SOS2: variants seen among roughly 807,000 people sequenced by gnomAD.
SOS2 encodes son of sevenless homolog 2.
A neutral mutation model predicts 148.2 loss-of-function variants in SOS2; 65 were observed. The observed-to-expected ratio is 0.44, with a 90% CI of 0.36 to 0.54. The LOEUF (loss-of-function observed/expected upper bound fraction) is 0.54. Among genes scored for constraint, SOS2 ranks in the 20% least tolerant of loss-of-function variants. The pLI is 0.00. For synonymous variants in SOS2, 539 were observed against 537.1 expected (o/e 1.00, Z -0.05); for missense variants, 1,341 against 1,590.2 (o/e 0.84, Z 2.67).
At chr14:50,216,889 T>C (rs915520295) in intron 1 of SOS2, among the ~76,000 whole-genome samples, 1 of 152,218 alleles carries the variant, frequency 6.6e-6, no homozygotes, top group Non-Finnish European at 1.5e-5. Flanking sequence ...TCCTCCCAAA[T>C]GATCTGTAGA....
At chr14:50,152,692 T>C (rs994476562) in intron 13 of SOS2, among the ~76,000 whole-genome samples, 9 of 152,268 alleles carry the variant, frequency 5.9e-5, no homozygotes, top group Admixed American at 2.6e-4. Context: ...TGGTGGCTCA[T>C]GCCTGTAATC....
chr14:50,176,841 C>T (rs1022548961), intron 7 of SOS2, among the ~76,000 whole-genome samples: 5 of 152,156 alleles, frequency 3.3e-5, no homozygotes, highest in Admixed American at 6.5e-5. Context: ...GAAACCCCAT[C>T]TCTACTAAAA....
intron 16 of SOS2, among the ~76,000 whole-genome samples, chr14:50,141,392 G>A (rs565818241): frequency 2.0e-5 from 3 of 151,554 alleles, no homozygotes; most frequent in Admixed American, 1.3e-4. Context: ...AGGGTGGCAC[G>A]TGCCTATAGT....
At chr14:50,195,321 T>C (rs956243756) in intron 4 of SOS2, among the ~76,000 whole-genome samples, 52 of 152,312 alleles carry the variant, frequency 3.4e-4, no homozygotes, top group African/African-American at 1.2e-3. Context: ...TCTGGACTAT[T>C]GTCTTCACAG....
intron 4 of SOS2, among the ~76,000 whole-genome samples, chr14:50,196,298 G>T (rs1039700851): frequency 6.6e-5 from 10 of 152,056 alleles, no homozygotes; most frequent in African/African-American, 2.4e-4. Flanking sequence ...ATTTTTAAAA[G>T]AAATTTTTGT....
chr14:50,218,331 T>C (rs143547084), intron 1 of SOS2, among the ~76,000 whole-genome samples: 43 of 150,686 alleles, frequency 2.9e-4, no homozygotes, highest in Middle Eastern at 6.9e-3. Flanking sequence ...GAGATCAGCC[T>C]GGGCAACATG....
At chr14:50,133,972 T>C (rs997198119) in intron 19 of SOS2, 151 bp downstream of exon 19, 44 of 622,868 alleles carry the variant, frequency 7.1e-5, no homozygotes, top group Non-Finnish European at 6.0e-5. Context: ...GGCTGACATT[T>C]CCCCCCCCAG....
At chr14:50,166,082 G>T (rs530095598) in intron 8 of SOS2, among the ~76,000 whole-genome samples, 22 of 152,230 alleles carry the variant, frequency 1.4e-4, no homozygotes, top group African/African-American at 5.3e-4. Flanking sequence ...TTCTTTCTAT[G>T]TTGAAAACAA....
chr14:50,231,206 G>C lies in SOS2; in HGVS notation c.78C>G (p.Ala26=). The C allele has an allele frequency of 6.7e-7, 1 of 1,484,948 alleles. No individual in the cohort carries two copies. The highest frequency in any genetic ancestry group is 1.3e-5 in the South Asian group (1 of 74,780). 92.0% of individuals were successfully genotyped at this position (1,484,948 alleles called of 1,614,324 possible). ...CGCCCCTAGCACTGACCTTCCGCAG[G>C]GCCGAGACCAACAGTCCCCGCCATT... ...SPKWRGLLVS[A]LRKVQEQVHP... is the part of the protein sequence containing the mutation. The change falls in exon 1 of 23, where the codon GCC becomes GCG. Residue 26 remains alanine (A), a synonymous_variant. Coordinates refer to ENST00000216373, the MANE Select transcript of SOS2 (RefSeq NM_006939.4).
At chr14:50,187,200 C>A (rs1489338943) in intron 5 of SOS2, among the ~76,000 whole-genome samples, 1 of 152,044 alleles carries the variant, frequency 6.6e-6, no homozygotes, top group Non-Finnish European at 1.5e-5. Context: ...TTTGTAGAGA[C>A]TGGGTCTTGC....
intron 5 of SOS2, among the ~76,000 whole-genome samples, chr14:50,188,094 A>T (rs1885980292): frequency 6.6e-6 from 1 of 152,228 alleles, no homozygotes; most frequent in Non-Finnish European, 1.5e-5. Flanking sequence ...TAATGTACTC[A>T]TAAAGTATTT....
chr14:50,119,937 C>A (rs1883444735), intron 22 of SOS2, among the ~76,000 whole-genome samples: 1 of 150,866 alleles, frequency 6.6e-6, no homozygotes, highest in African/African-American at 2.4e-5. Context: ...TCAGCCTCCC[C>A]AGTAGCTGGA....
chr14:50,208,787 T>C (rs1392848116), intron 1 of SOS2, among the ~76,000 whole-genome samples: 1 of 152,228 alleles, frequency 6.6e-6, no homozygotes, highest in Non-Finnish European at 1.5e-5. Flanking sequence ...TATTTGGAGG[T>C]CCTGGCTATT....
intron 1 of SOS2, among the ~76,000 whole-genome samples, chr14:50,208,474 C>G (rs1166771042): frequency 6.6e-6 from 1 of 151,840 alleles, no homozygotes; most frequent in African/African-American, 2.4e-5. Context: ...TACGGTGAAA[C>G]CCCGCCTCTA....
intron 4 of SOS2, among the ~76,000 whole-genome samples, chr14:50,191,818 GT>G (rs1168107709): frequency 6.6e-6 from 1 of 151,994 alleles, no homozygotes; most frequent in Non-Finnish European, 1.5e-5. Flanking sequence ...ACATTTTTAT[GT>G]AAAATTTTTA....
chr14:50,190,595 G>T (rs1886097905), intron 4 of SOS2, among the ~76,000 whole-genome samples: 1 of 152,114 alleles, frequency 6.6e-6, no homozygotes, highest in South Asian at 2.1e-4. Context: ...CCTGCCACAG[G>T]TCTTCCCAAC....
At chr14:50,139,422 T>C (rs2144579) in intron 17 of SOS2, among the ~76,000 whole-genome samples, 130,847 of 152,176 alleles carry the variant, frequency 0.86, 56,374 homozygotes, top group East Asian at 0.92. Context: ...CAGGGTGCTA[T>C]TGGAGTGTAA....
At chr14:50,227,890 T>C (rs1372784486) in intron 1 of SOS2, among the ~76,000 whole-genome samples, 1 of 152,238 alleles carries the variant, frequency 6.6e-6, no homozygotes, top group Non-Finnish European at 1.5e-5. Context: ...TATCCAGTTT[T>C]CATAAAAACT....
At position 50,118,703 on chromosome 14, in the gene SOS2, C is replaced by A; in HGVS notation, c.3640G>T (p.Asp1214Tyr). Residue 1214 changes from aspartate to tyrosine, a missense_variant, in exon 23 of 23, where the codon GAT becomes TAT. Transcript: ENST00000216373. ...PPPPPRDPLP[D>Y]TPPPVPLRPP... is the part of the protein sequence containing the mutation. ...CGAAGGGGAACTGGTGGAGGGGTAT[C>A]AGGAAGAGGATCTCTTGGTGGTGGC... 6.2e-7 allele frequency: 1 copy of A among 1,613,146 alleles called. No homozygotes were observed. Among genetic ancestry groups the A allele is most frequent in the South Asian group, 1.1e-5 (1 of 91,022 alleles).
Sources: allele counts gnomAD v4.1 joint callset (sites outside exome capture counted in the v4.1 genomes callset), GRCh38; gene constraint gnomAD v4.1.1; transcripts MANE v1.5; gene names NCBI Gene and HGNC (gene_info 2026-07-23, HGNC 2026-07-21).